The following DIP2A variants were observed in gnomAD, a reference collection of about 807,000 sequenced individuals.
DIP2A encodes the protein DIP2 acetate--CoA ligase A.
In DIP2A, 85 loss-of-function variants were observed where a neutral mutation model predicts 177.4. The ratio of observed to expected loss-of-function variants is 0.48; its 90% CI spans 0.40 to 0.57. DIP2A has a LOEUF of 0.57. Among genes scored for constraint, DIP2A ranks in the 20% least tolerant of loss-of-function variants. DIP2A has a pLI of 0.00. For missense variants in DIP2A, 1,791 were observed against 2,100.2 expected, an observed-to-expected ratio of 0.85 and a Z score of 2.88; for synonymous variants, 886 against 881.8, an observed-to-expected ratio of 1.00 and a Z score of -0.08.
chr21:46,465,973 T>C (rs2054790630), intron 1 of DIP2A, among the ~76,000 whole-genome samples: 1 of 152,212 alleles, frequency 6.6e-6, no homozygotes, highest in African/African-American at 2.4e-5. Flanking sequence ...GGACGTTTTC[T>C]GGAAAATAAA....
rs985549388 is a variant in DIP2A, at chr21:46,458,961, C to G, written c.-171C>G. On this transcript the variant is annotated 5_prime_UTR_variant, in exon 1 of 38. Coordinates refer to ENST00000417564, the MANE Select transcript of DIP2A (RefSeq NM_015151.4). ...CGCGGCGGAGCCATCCGCGCTCGTG[C>G]CCGCGCGGGTGCGTTGCTGTCCTGG... 3 of 419,868 alleles carry G rather than the reference C, an allele frequency of 7.1e-6. No individual in the cohort carries two copies. The highest frequency in any genetic ancestry group is 4.7e-5 in the Admixed American group (1 of 21,390). The allele number at this position is 419,868 out of a possible 1,614,324, so 26.0% of individuals were successfully genotyped here.
intron 1 of DIP2A, among the ~76,000 whole-genome samples, chr21:46,467,993 G>A (rs1046490453): frequency 2.6e-5 from 4 of 151,988 alleles, no homozygotes; most frequent in Admixed American, 2.6e-4. Context: ...GCTGGGTGCA[G>A]TGGCTCATGC....
At chr21:46,501,938 A>G (rs2057673571) in intron 5 of DIP2A, among the ~76,000 whole-genome samples, 1 of 152,200 alleles carries the variant, frequency 6.6e-6, no homozygotes, top group Non-Finnish European at 1.5e-5. Context: ...AAAAATCTTA[A>G]CGGTTTAGAT....
At position 46,566,640 on chromosome 21, in the gene DIP2A, A is replaced by G; in HGVS notation, c.4420A>G (p.Ile1474Val). ...LRGMRYHPID[I>V]ETSVIRAHRS... ...AGGCATGCGGTACCACCCCATCGAC[A>G]TTGAGACCTCTGTCATCCGAGCACA... The change falls in exon 37 of 38, where the codon ATT becomes GTT. Residue 1474 changes from isoleucine (I) to valine (V), a missense_variant. By Grantham distance (29) the Ile-to-Val change is conservative (BLOSUM62 3). Transcript: ENST00000417564. 6.2e-7 allele frequency: 1 copy of G among 1,614,224 alleles called. No homozygotes were observed. Among genetic ancestry groups the G allele is most frequent in the Non-Finnish European group, 8.5e-7 (1 of 1,180,028 alleles).
chr21:46,583,661 G>A, the DIP2A span, among the ~76,000 whole-genome samples: 32 of 152,160 alleles, frequency 2.1e-4, no homozygotes, highest in Non-Finnish European at 4.1e-4. Context: ...GCTCATTAAT[G>A]GGTTAATGCC....
At chr21:46,509,154 G>T in intron 6 of DIP2A, 103 bp from the exon 7 acceptor site, 1 of 1,291,784 alleles carries the variant, frequency 7.7e-7, no homozygotes, top group East Asian at 2.6e-5. Flanking sequence ...GGATGGATTT[G>T]TAAGCTCTGA....
Position 46,557,876 on chromosome 21 carries a change from C to A in DIP2A, c.3798+123C>A. 8.0e-7 allele frequency: 1 copy of A among 1,244,356 alleles called. No individual in the cohort carries two copies. The highest frequency in any genetic ancestry group is 1.1e-6 in the Non-Finnish European group (1 of 914,134). 77.1% of individuals were successfully genotyped at this position (1,244,356 alleles called of 1,614,324 possible). ...TGCAGTTGGAGGAAGTAGAGAAAAC[C>A]CTTTCCCACTAGGGGCCCTATGTAC... is the stretch of plus-strand genomic sequence containing the variant. On this transcript the variant is annotated intron_variant, in intron 31 of 37. Coordinates refer to ENST00000417564, the MANE Select transcript of DIP2A (RefSeq NM_015151.4). The surrounding 1 kb of genome is among the most constrained non-coding windows in gnomAD (Gnocchi z 6.0).
chr21:46,498,577 C>T lies in DIP2A; in HGVS notation c.404-5C>T, dbSNP rs888291493. On this transcript the variant is annotated splice_polypyrimidine_tract_variant and splice_region_variant and intron_variant, in intron 4 of 37. Transcript: ENST00000417564. The surrounding 1 kb of genome is among the most constrained non-coding windows in gnomAD (Gnocchi z 4.3). ...TCATGCCTGTCATCGTTATTTTAAC[C>T]ACAGACACGTCGTCTGCCTCAGAAG... The T allele has an allele frequency of 1.9e-6, 3 of 1,601,352 alleles. No individual in the cohort carries two copies. The highest frequency in any genetic ancestry group is 2.7e-5 in the African/African-American group (2 of 74,730).
rs771138011 is a variant in DIP2A at position 46,537,549 on chromosome 21, A to G, written c.1801+10A>G. On this transcript the variant is annotated intron_variant, in intron 15 of 37. Transcript: ENST00000417564. The surrounding 1 kb of genome is among the most constrained non-coding windows in gnomAD (Gnocchi z 4.1). ...GTGTGCTTCTATAAAGGTAACGGATACCATGGTCAGGGCCTTCACCCTTCT... is the reference window on the plus strand; with the variant it reads ...GTGTGCTTCTATAAAGGTAACGGATGCCATGGTCAGGGCCTTCACCCTTCT... 5.0e-6 allele frequency: 8 copies of G among 1,613,626 alleles called. No homozygotes were observed. The highest frequency in any genetic ancestry group is 6.8e-6 in the Non-Finnish European group (8 of 1,179,686).
At chr21:46,474,592 T>G (rs984455877) in intron 1 of DIP2A, among the ~76,000 whole-genome samples, 26 of 152,338 alleles carry the variant, frequency 1.7e-4, no homozygotes, top group Admixed American at 1.1e-3. Context: ...CAAAGATGAC[T>G]GTACTTCCTC....
chr21:46,470,975 A>G (rs1357039014), intron 1 of DIP2A, among the ~76,000 whole-genome samples: 4 of 151,200 alleles, frequency 2.6e-5, no homozygotes, highest in Non-Finnish European at 5.9e-5. Flanking sequence ...TCACTCTTCT[A>G]TGTTATAACT....
At chr21:46,461,680 G>C (rs2054326726) in intron 1 of DIP2A, among the ~76,000 whole-genome samples, 1 of 152,172 alleles carries the variant, frequency 6.6e-6, no homozygotes, top group Non-Finnish European at 1.5e-5. Context: ...ATATGTAGGG[G>C]ATGTATAGGT....
Position 46,563,159 on chromosome 21 carries a change from C to T in DIP2A, c.4090-699C>T, listed in dbSNP as rs988288106. On this transcript the variant is annotated intron_variant, in intron 34 of 37. Coordinates refer to ENST00000417564, the MANE Select transcript of DIP2A (RefSeq NM_015151.4). The surrounding 1 kb of genome is among the most constrained non-coding windows in gnomAD (Gnocchi z 4.3). Reference sequence around the variant, plus strand: ...CTGGGGAAACAGAACAGTCCCACTCCGCCGGGGAGGGTCTGGCGGTAACCG... The same window carrying T: ...CTGGGGAAACAGAACAGTCCCACTCTGCCGGGGAGGGTCTGGCGGTAACCG... 1.3e-5 allele frequency among the ~76,000 whole-genome samples: 2 copies of T among 152,150 alleles called. No homozygotes were observed. The highest frequency in any genetic ancestry group is 4.8e-5 in the African/African-American group (2 of 41,432).
At position 46,561,161 on chromosome 21, in the gene DIP2A, C is replaced by T. The variant is rs182891305; in HGVS notation, c.4031+378C>T. 9 of 470,942 alleles carry T rather than the reference C, an allele frequency of 1.9e-5. No individual in the cohort carries two copies. The East Asian group carries it at 5.8e-4, about 30-fold the overall frequency. 29.2% of individuals were successfully genotyped at this position (470,942 alleles called of 1,614,324 possible). A position where few individuals can be genotyped will look rare whatever the true frequency, so the allele number is the denominator to read the frequency against. ...AGGGACAGAGAGAAGACAAGTAACC[C>T]ATCTACTGGCAAGAACGTTTCTTAC... On this transcript the variant is annotated intron_variant, in intron 33 of 37. Transcript: ENST00000417564.
intron 1 of DIP2A, among the ~76,000 whole-genome samples, chr21:46,481,576 C>G (rs1262899454): frequency 6.6e-6 from 1 of 152,130 alleles, no homozygotes; most frequent in Non-Finnish European, 1.5e-5. Context: ...TGCCCATCAG[C>G]AATATATGAG....
At chr21:46,482,151 A>G (rs2056385080) in intron 1 of DIP2A, among the ~76,000 whole-genome samples, 1 of 152,280 alleles carries the variant, frequency 6.6e-6, no homozygotes, top group Non-Finnish European at 1.5e-5. Flanking sequence ...GTGAGAAAAT[A>G]CCAAAGACAC....
rs573278268 is a variant in DIP2A at position 46,459,293 on chromosome 21, GGGACCCCCGCGCGGCCCCTCACTCCA to G, written c.91+82_91+107del. 2.6e-3 allele frequency: 3,221 copies of G among 1,234,432 alleles called. 41 individuals are homozygous for G. In the African/African-American group the frequency reaches 0.041, roughly 16 times the overall value. The allele number at this position is 1,234,432 out of a possible 1,614,324, so 76.5% of individuals were successfully genotyped here. ...GGTCCCCCGCGCAGCCCCTCACTCC[GGGACCCCCGCGCGGCCCCTCACTCCA>G]GGACCCCCGCCCTTCACCCCCGGGA... On this transcript the variant is annotated intron_variant, in intron 1 of 37. Transcript: ENST00000417564.
At chr21:46,561,050 C>T in intron 33 of DIP2A, 1 of 972,198 alleles carries the variant, frequency 1.0e-6, no homozygotes, top group Non-Finnish European at 1.2e-6. Context: ...CCCGTGTCCC[C>T]AGGGCTGCAG....
At chr21:46,482,599 C>G (rs2056422540) in intron 1 of DIP2A, among the ~76,000 whole-genome samples, 1 of 152,088 alleles carries the variant, frequency 6.6e-6, no homozygotes, top group Non-Finnish European at 1.5e-5. Context: ...CAGGCAGACC[C>G]TTCGTGAGCT....
Sources: gnomAD v4.1 joint callset for allele counts (sites outside exome capture counted in the v4.1 genomes callset) on GRCh38, gnomAD v4.1.1 for gene constraint, Gnocchi (gnomAD v3.1) non-coding constraint, MANE v1.5 for transcripts, NCBI Gene and HGNC (gene_info 2026-07-23, HGNC 2026-07-21) for gene names.